SLC24A4: variants seen among roughly 807,000 people sequenced by gnomAD.
The protein encoded by SLC24A4 is sodium/potassium/calcium exchanger 4.
Under a neutral mutation model 79.0 loss-of-function variants are expected in SLC24A4, and 53 were observed. That is an observed-to-expected ratio of 0.67 (90% confidence interval 0.54 to 0.84). The LOEUF is 0.84. SLC24A4 is among the 40% of genes least tolerant of loss of function. SLC24A4 has a pLI of 0.00. For missense variants in SLC24A4, 731 were observed against 822.0 expected, an observed-to-expected ratio of 0.89 and a Z score of 1.35; for synonymous variants, 323 against 323.8, an observed-to-expected ratio of 1.00 and a Z score of 0.03.
chr14:92,351,668 C>T (rs1164857199), intron 2 of SLC24A4, among the ~76,000 whole-genome samples: 1 of 151,978 alleles, frequency 6.6e-6, no homozygotes, highest in African/African-American at 2.4e-5. Context: ...ACCAGCCTGG[C>T]CGACATGGTG....
At chr14:92,324,553 C>T (rs574489190) in intron 1 of SLC24A4, among the ~76,000 whole-genome samples, 2 of 152,336 alleles carry the variant, frequency 1.3e-5, no homozygotes, top group South Asian at 4.1e-4. Flanking sequence ...CATGCCCCCT[C>T]CTCCAAGAAG....
Position 92,493,787 on chromosome 14 carries a change from C to A in SLC24A4, c.*159C>A. 1.2e-6 allele frequency: 1 copy of A among 860,022 alleles called. No homozygotes were observed. The highest frequency in any genetic ancestry group is 1.7e-6 in the Non-Finnish European group (1 of 571,630). The allele number at this position is 860,022 out of a possible 1,614,324, so 53.3% of individuals were successfully genotyped here. On this transcript the variant is annotated 3_prime_UTR_variant, in exon 17 of 17. Transcript: ENST00000532405. ...AGCCATCGTGGTCTTTGTCTGGCCA[C>A]AGGCCAGGCTGCTGGGCATCCTCCT... is the stretch of plus-strand genomic sequence containing the variant.
intron 2 of SLC24A4, among the ~76,000 whole-genome samples, chr14:92,351,379 G>GT (rs1487506845): frequency 6.6e-6 from 1 of 152,192 alleles, no homozygotes; most frequent in South Asian, 2.1e-4. Context: ...CCCTGGGATT[G>GT]TTTTTTTAAA....
At chr14:92,387,258 C>T (rs1391996689) in intron 2 of SLC24A4, among the ~76,000 whole-genome samples, 1 of 151,804 alleles carries the variant, frequency 6.6e-6, no homozygotes, top group African/African-American at 2.4e-5. Flanking sequence ...CTCACTGCAG[C>T]CTCCACCTCC....
chr14:92,460,742 T>C (rs1893750320), intron 12 of SLC24A4, among the ~76,000 whole-genome samples: 1 of 152,200 alleles, frequency 6.6e-6, no homozygotes, highest in Non-Finnish European at 1.5e-5. Context: ...ATGTTCTTTA[T>C]ACACTGTCTC....
chr14:92,394,251 G>A (rs1375177491), intron 2 of SLC24A4, among the ~76,000 whole-genome samples: 1 of 151,878 alleles, frequency 6.6e-6, no homozygotes, highest in Non-Finnish European at 1.5e-5. Flanking sequence ...AAATTAGAAT[G>A]CTTTTCTTGG....
At chr14:92,343,658 TTCCTTCC>T (rs1566700259) in intron 2 of SLC24A4, among the ~76,000 whole-genome samples, 12 of 110,320 alleles carry the variant, frequency 1.1e-4, no homozygotes, top group African/African-American at 4.2e-4. Context: ...CCTTCTTTCC[TTCCTTCC>T]TTCCTTCCTT....
chr14:92,358,754 T>C (rs1190071718), intron 2 of SLC24A4, among the ~76,000 whole-genome samples: 1 of 150,222 alleles, frequency 6.7e-6, no homozygotes, highest in Non-Finnish European at 1.5e-5. Context: ...TGGAATGCAG[T>C]GCTCACTGCA....
chr14:92,443,227 A>G, intron 6 of SLC24A4, 173 bp from the exon 7 acceptor site: 1 of 669,100 alleles, frequency 1.5e-6, no homozygotes, highest in Non-Finnish European at 2.7e-6. Flanking sequence ...GCTTGAGAAC[A>G]TTACTTGGTT....
At chr14:92,343,650 T>TC (rs1886334549) in intron 2 of SLC24A4, among the ~76,000 whole-genome samples, 226 of 126,160 alleles carry the variant, frequency 1.8e-3, no homozygotes, top group African/African-American at 6.0e-3. Flanking sequence ...CTCTCTTTCC[T>TC]TCTTTCCTTC....
Position 92,491,793 on chromosome 14 carries a change from C to A in SLC24A4, c.1650+16C>A. On this transcript the variant is annotated intron_variant, in intron 15 of 16. Coordinates refer to ENST00000532405, the MANE Select transcript of SLC24A4 (RefSeq NM_153646.4). ...TGGATCAACAGTAAGTTCCTCTCACCTTTAACAGATGTGTTTTACCCAGAA... is the reference window on the plus strand; with the variant it reads ...TGGATCAACAGTAAGTTCCTCTCACATTTAACAGATGTGTTTTACCCAGAA... The A allele has an allele frequency of 1.3e-6, 2 of 1,580,738 alleles. No individual in the cohort carries two copies. The highest frequency in any genetic ancestry group is 1.7e-6 in the Non-Finnish European group (2 of 1,149,594).
chr14:92,481,095 G>C (rs945984243), intron 12 of SLC24A4, among the ~76,000 whole-genome samples: 43 of 152,216 alleles, frequency 2.8e-4, no homozygotes, highest in African/African-American at 1.0e-3. Flanking sequence ...CAGGCGGGTA[G>C]TTCACAACTC....
In SLC24A4 at chr14:92,416,129, G is replaced by A. The variant is rs868459512; in HGVS notation, c.242-17783G>A. Among the ~76,000 whole-genome samples, 37 of 125,478 alleles carry A rather than the reference G, an allele frequency of 2.9e-4. No homozygotes were observed. The South Asian group carries it at 3.5e-3, about 12-fold the overall frequency. The allele number at this position is 125,478 out of a possible 152,430, so 82.3% of individuals were successfully genotyped here. On this transcript the variant is annotated intron_variant, in intron 2 of 16. Coordinates refer to ENST00000532405, the MANE Select transcript of SLC24A4 (RefSeq NM_153646.4). The stretch of plus-strand genomic sequence containing the variant: ...GTGTGTATTTGTGTGTGTGGTGTGT[G>A]TGTGTGTGTGTGTGTGTGTGTGTCG...
rs1035623639 is a variant in SLC24A4, at chr14:92,496,813, T to TC, written c.*3185_*3186insC. On this transcript the variant is annotated 3_prime_UTR_variant, in exon 17 of 17. Transcript: ENST00000532405. ...GCTGCCTGCCTTTATGAATTTTCTT[T>TC]TCTTTTTTTTTTGAGACAGCGTCTT... 2.0e-5 allele frequency: 3 copies of TC among 149,842 alleles called. No individual in the cohort carries two copies. Among genetic ancestry groups the TC allele is most frequent in the Admixed American group, 2.0e-4 (3 of 15,200 alleles). The allele number at this position is 149,842 out of a possible 1,614,324, so 9.3% of individuals were successfully genotyped here.
chr14:92,442,867 G>T, intron 6 of SLC24A4, 51 bp downstream of exon 6: 13 of 1,439,672 alleles, frequency 9.0e-6, no homozygotes, highest in Non-Finnish European at 1.3e-5. Flanking sequence ...AAGCGTGGGG[G>T]ATGAGCCTCT....
chr14:92,460,568 G>T (rs10151536), intron 12 of SLC24A4, among the ~76,000 whole-genome samples: 3,571 of 152,228 alleles, frequency 0.023, 142 homozygotes, highest in African/African-American at 0.081. Context: ...GCCAGGTCTG[G>T]GCTTCAGGCA....
chr14:92,474,931 C>T lies in SLC24A4; in HGVS notation c.1256-7749C>T, dbSNP rs1393775646. 2.0e-5 allele frequency among the ~76,000 whole-genome samples: 3 copies of T among 147,700 alleles called. No individual in the cohort carries two copies. In the East Asian group the frequency reaches 6.0e-4, roughly 29 times the overall value. ...CAGGCTGGTCTCGAACTCCTGACCT[C>T]AAGTGATCCACCCACCTTGGCCTCC... On this transcript the variant is annotated intron_variant, in intron 12 of 16. Transcript: ENST00000532405.
intron 2 of SLC24A4, among the ~76,000 whole-genome samples, chr14:92,422,757 A>C (rs1891354273): frequency 6.6e-6 from 1 of 152,182 alleles, no homozygotes; most frequent in African/African-American, 2.4e-5. Flanking sequence ...CCAACTGGTG[A>C]CTAGCTCAGA....
intron 2 of SLC24A4, among the ~76,000 whole-genome samples, chr14:92,359,848 A>C (rs1887399303): frequency 6.6e-6 from 1 of 152,200 alleles, no homozygotes; most frequent in African/African-American, 2.4e-5. Flanking sequence ...AGGTATAACC[A>C]TTTTAATTTT....
Sources: gnomAD v4.1 joint callset for allele counts (sites outside exome capture counted in the v4.1 genomes callset) on GRCh38, gnomAD v4.1.1 for gene constraint, MANE v1.5 for transcripts, NCBI Gene and HGNC (gene_info 2026-07-23, HGNC 2026-07-21) for gene names.